The following RHBDD3 variants were observed in gnomAD, a reference collection of about 807,000 sequenced individuals.
RHBDD3 encodes the protein rhomboid domain-containing protein 3.
RHBDD3 carries 34 observed loss-of-function variants against 32.3 expected under a neutral mutation model. The observed-to-expected ratio is 1.05, with a 90% confidence interval of 0.80 to 1.40. The LOEUF (loss-of-function observed/expected upper bound fraction) is 1.40, where lower values mean the gene tolerates loss of function less well. Among genes scored for constraint, RHBDD3 ranks in the 40% most tolerant of loss-of-function variants. The probability of loss-of-function intolerance (pLI) is 0.00; values close to 1 mark genes in which losing one functional copy is unlikely to be tolerated. For synonymous variants in RHBDD3, 249 were observed against 239.1 expected (o/e 1.04, Z -0.38); for missense variants, 482 against 492.6 (o/e 0.98, Z 0.20).
intron 6 of RHBDD3, 29 bp from the exon 7 acceptor site, chr22:29,260,266 G>A (rs946040515): frequency 1.9e-6 from 3 of 1,604,292 alleles, no homozygotes; most frequent in African/African-American, 1.3e-5. Flanking sequence ...GAAGTGGGGA[G>A]TGTCAGGGCC....
chr22:29,263,002 A>G (rs551538052), intron 4 of RHBDD3, among the ~76,000 whole-genome samples: 5 of 151,750 alleles, frequency 3.3e-5, no homozygotes, highest in African/African-American at 1.2e-4. Context: ...CAGTCTCCCA[A>G]GTAGCTGGGA....
At chr22:29,263,335 G>A (rs1242138834) in intron 4 of RHBDD3, among the ~76,000 whole-genome samples, 5 of 152,152 alleles carry the variant, frequency 3.3e-5, no homozygotes, top group Non-Finnish European at 7.4e-5. Context: ...GAGCCATCGC[G>A]CCTGGCCTAA....
At chr22:29,264,587 C>T in intron 3 of RHBDD3, 2 of 909,080 alleles carry the variant, frequency 2.2e-6, no homozygotes, top group East Asian at 1.2e-4. Flanking sequence ...CTGGAGCTAC[C>T]CCATTCCCTC....
At chr22:29,265,383 T>C (rs1231112821) in intron 3 of RHBDD3, 96 bp downstream of exon 3, 15 of 1,026,628 alleles carry the variant, frequency 1.5e-5, no homozygotes, top group Non-Finnish European at 1.6e-5. Flanking sequence ...CCATCCCTGT[T>C]TGACCCCTGG....
At chr22:29,266,062 A>T (rs753912301) in intron 2 of RHBDD3, among the ~76,000 whole-genome samples, 1 of 151,934 alleles carries the variant, frequency 6.6e-6, no homozygotes, top group African/African-American at 2.4e-5. Flanking sequence ...AATGCTCCAG[A>T]TGGTTTCAGT....
At chr22:29,266,900 T>C (rs751468974) in intron 2 of RHBDD3, among the ~76,000 whole-genome samples, 1 of 152,162 alleles carries the variant, frequency 6.6e-6, no homozygotes, top group South Asian at 2.1e-4. Flanking sequence ...AAACTCCTAT[T>C]TCACCCTTGG....
Position 29,260,803 on chromosome 22 carries a change from C to T in RHBDD3, c.594G>A (p.Glu198=). The T allele has an allele frequency of 1.2e-6, 2 of 1,607,858 alleles. No homozygotes were observed. The highest frequency in any genetic ancestry group is 1.7e-6 in the Non-Finnish European group (2 of 1,178,104). Residue 198 remains glutamate, a synonymous_variant, in exon 5 of 7, where the codon GAG becomes GAA. Transcript: ENST00000216085. The part of the protein sequence containing the change: ...PSERRLQVLQ[E]GVLCRTLAGC... ...CCGCCAAGGTCCTGCACAAGACGCC[C>T]TCCTGCAGCACCTGCAGCCGTCGCT...
At chr22:29,260,669 C>CA (rs1354403998) in intron 5 of RHBDD3, 33 bp downstream of exon 5, 2 of 1,553,040 alleles carry the variant, frequency 1.3e-6, no homozygotes, top group Non-Finnish European at 1.7e-6. Flanking sequence ...CAGTGCCCAC[C>CA]ACCTGGACTG....
Position 29,260,080 on chromosome 22 carries a change from C to A in RHBDD3, c.1141G>T (p.Glu381Ter). 6.4e-7 allele frequency: 1 copy of A among 1,568,500 alleles called. No individual in the cohort carries two copies. The change falls in exon 7 of 7, where the codon GAG becomes TAG. Residue 381 changes from glutamate (E) to a stop codon, truncating the protein, a stop_gained. Transcript: ENST00000216085. LOFTEE classifies it high-confidence loss of function. Reference protein sequence around the residue: ...THGKGGPAHSEGPGPP With the variant: ...THGKGGPAHS ...CTGGGCTAGGGAGGCCCAGGACCCT[C>A]GGAGTGGGCAGGCCCACCCTTTCCA...
rs2058184332 is a variant in RHBDD3 at position 29,266,465 on chromosome 22, G to A, written c.-42-797C>T. Among the ~76,000 whole-genome samples, 3 of 152,176 alleles carry A rather than the reference G, an allele frequency of 2.0e-5. No homozygotes were observed. In the East Asian group the frequency reaches 5.8e-4, roughly 29 times the overall value. ...AAGGAATAGGCTAAGGCAGGCCCTG[G>A]CCCACAACTCTTCCTCCATAAACCA... On this transcript the variant is annotated intron_variant, in intron 2 of 6. Transcript: ENST00000216085.
intron 2 of RHBDD3, among the ~76,000 whole-genome samples, chr22:29,267,102 G>A (rs1424724095): frequency 2.0e-5 from 3 of 152,210 alleles, no homozygotes; most frequent in East Asian, 1.9e-4. Flanking sequence ...ACTGAAAAAA[G>A]GACACTAGCT....
Position 29,260,139 on chromosome 22 carries a change from C to G in RHBDD3, c.1082G>C (p.Gly361Ala), listed in dbSNP as rs758759223. The change falls in exon 7 of 7, where the codon GGA becomes GCA. Residue 361 changes from glycine (G) to alanine (A), a missense_variant. By Grantham distance (60) the Gly-to-Ala change is moderately conservative. Coordinates refer to ENST00000216085, the MANE Select transcript of RHBDD3 (RefSeq NM_012265.3). ...CAGGGTCTCAGTGCCCACTTGTCCT[C>G]CAACCAACAGTGACACGGCACCCTC... Reference protein sequence around the residue: ...RVEGAVSLLVGGQVGTETLVT... With the variant: ...RVEGAVSLLVAGQVGTETLVT... 6.3e-7 allele frequency: 1 copy of G among 1,588,598 alleles called. No homozygotes were observed. Among genetic ancestry groups the G allele is most frequent in the East Asian group, 2.3e-5 (1 of 43,532 alleles).
intron 4 of RHBDD3, chr22:29,261,441 A>T (rs1222584825): frequency 2.3e-6 from 1 of 430,912 alleles, no homozygotes; most frequent in Non-Finnish European, 4.7e-6. Context: ...AAAAATTTTT[A>T]AAATTAGCTG....
chr22:29,265,610 G>A lies in RHBDD3; in HGVS notation c.17C>T (p.Pro6Leu), dbSNP rs1319090230. MHARG[P>L]HGQLSPALPL... Reference sequence around the variant, plus strand: ...CAGTGCTGGGGACAGTTGGCCATGGGGGCCCCTGGCATGCATCGCTTGGTT... The same window carrying A: ...CAGTGCTGGGGACAGTTGGCCATGGAGGCCCCTGGCATGCATCGCTTGGTT... The change falls in exon 3 of 7, where the codon CCC becomes CTC. Residue 6 changes from proline to leucine, a missense_variant. Pro to Leu is a moderately conservative substitution (Grantham distance 98). Transcript: ENST00000216085. 6.3e-7 allele frequency: 1 copy of A among 1,589,226 alleles called. No homozygotes were observed. Among genetic ancestry groups the A allele is most frequent in the Admixed American group, 1.8e-5 (1 of 55,060 alleles).
At chr22:29,262,304 A>T (rs2058129474) in intron 4 of RHBDD3, among the ~76,000 whole-genome samples, 2 of 151,818 alleles carry the variant, frequency 1.3e-5, no homozygotes, top group African/African-American at 4.8e-5. Context: ...ACACCTGGCT[A>T]ATTTTTGTAT....
chr22:29,259,957 C>T lies in RHBDD3; in HGVS notation c.*103G>A. The T allele has an allele frequency of 8.2e-7, 1 of 1,219,350 alleles. No individual in the cohort carries two copies. The highest frequency in any genetic ancestry group is 1.1e-6 in the Non-Finnish European group (1 of 888,232). The allele number at this position is 1,219,350 out of a possible 1,614,324, so 75.5% of individuals were successfully genotyped here. A position where few individuals can be genotyped will look rare whatever the true frequency, so the allele number is the denominator to read the frequency against. On this transcript the variant is annotated 3_prime_UTR_variant, in exon 7 of 7. Coordinates refer to ENST00000216085, the MANE Select transcript of RHBDD3 (RefSeq NM_012265.3). ...TCCTGCCTCCAGAGGTGCCCCTGCTCCCCACTGTGGCCCTCTTTAGACAGA... is the reference window on the plus strand; with the variant it reads ...TCCTGCCTCCAGAGGTGCCCCTGCTTCCCACTGTGGCCCTCTTTAGACAGA...
chr22:29,265,627 C>A lies in RHBDD3; in HGVS notation c.-1G>T. ...GGCCATGGGGGCCCCTGGCATGCATCGCTTGGTTGAGGACGGTCAAGGGTG... is the reference window on the plus strand; with the variant it reads ...GGCCATGGGGGCCCCTGGCATGCATAGCTTGGTTGAGGACGGTCAAGGGTG... On this transcript the variant is annotated 5_prime_UTR_variant, in exon 3 of 7. Coordinates refer to ENST00000216085, the MANE Select transcript of RHBDD3 (RefSeq NM_012265.3). The A allele has an allele frequency of 6.3e-7, 1 of 1,584,590 alleles. No homozygotes were observed.
At position 29,265,634 on chromosome 22, in the gene RHBDD3, T is replaced by C; in HGVS notation, c.-8A>G. The C allele has an allele frequency of 6.3e-7, 1 of 1,580,504 alleles. No homozygotes were observed. Among genetic ancestry groups the C allele is most frequent in the South Asian group, 1.2e-5 (1 of 86,142 alleles). ...GGGGCCCCTGGCATGCATCGCTTGG[T>C]TGAGGACGGTCAAGGGTGGTCCTGG... On this transcript the variant is annotated 5_prime_UTR_variant, in exon 3 of 7. Coordinates refer to ENST00000216085, the MANE Select transcript of RHBDD3 (RefSeq NM_012265.3).
intron 4 of RHBDD3, among the ~76,000 whole-genome samples, chr22:29,263,379 A>G (rs2058141614): frequency 6.6e-6 from 1 of 152,106 alleles, no homozygotes. Context: ...GGGTTTCACC[A>G]TGTTGGCCAG....
Sources: gnomAD v4.1 joint callset for allele counts (sites outside exome capture counted in the v4.1 genomes callset) on GRCh38, gnomAD v4.1.1 for gene constraint, MANE v1.5 for transcripts, NCBI Gene and HGNC (gene_info 2026-07-23, HGNC 2026-07-21) for gene names.